GLIS3: variants seen among roughly 807,000 people sequenced by gnomAD.
GLIS3 encodes GLIS family zinc finger 3.
Under a neutral mutation model 78.6 loss-of-function variants are expected in GLIS3, and 53 were observed. The observed-to-expected ratio is 0.67, with a 90% CI of 0.54 to 0.85. The LOEUF is 0.85. Ranked by LOEUF, GLIS3 falls within the 40% of genes least tolerant of loss-of-function variation. GLIS3 has a pLI of 0.00. For missense variants in GLIS3, 1,703 were observed against 1,231.1 expected (o/e 1.38, Z -5.74); for synonymous variants, 684 against 509.9 (o/e 1.34, Z -4.60).
At chr9:4,349,612 T>C (rs1398580490), upstream of GLIS3, among the ~76,000 whole-genome samples, 8 of 152,174 alleles carry the variant, frequency 5.3e-5, no homozygotes, top group African/African-American at 1.9e-4. Flanking sequence ...GGGAAGGAAC[T>C]GAAGTACTTA....
intron 2 of GLIS3, among the ~76,000 whole-genome samples, chr9:4,269,443 A>G (rs1306394206): frequency 6.6e-6 from 1 of 152,254 alleles, no homozygotes; most frequent in Non-Finnish European, 1.5e-5. Context: ...GACTGATCAC[A>G]GTTTTCATAA....
the GLIS3 span, among the ~76,000 whole-genome samples, chr9:4,481,878 G>C: frequency 1.3e-5 from 2 of 152,210 alleles, no homozygotes; most frequent in African/African-American, 4.8e-5. Context: ...CGCAGGGTGT[G>C]ACACTACCCA....
At chr9:4,252,475 T>C (rs1824493757) in intron 2 of GLIS3, among the ~76,000 whole-genome samples, 1 of 152,130 alleles carries the variant, frequency 6.6e-6, no homozygotes, top group South Asian at 2.1e-4. Context: ...ATGTTCTCTC[T>C]AAACTTATTA....
chr9:4,097,132 A>C (rs1340374333), intron 4 of GLIS3, among the ~76,000 whole-genome samples: 2 of 152,326 alleles, frequency 1.3e-5, no homozygotes, highest in African/African-American at 4.8e-5. Context: ...TCCTCCCATT[A>C]GGGCCCTAAA....
At chr9:3,831,576 TA>T (rs1431538371) in intron 9 of GLIS3, among the ~76,000 whole-genome samples, 1 of 152,226 alleles carries the variant, frequency 6.6e-6, no homozygotes, top group Non-Finnish European at 1.5e-5. Context: ...TCTAGAACCC[TA>T]AAAGTGTTCA....
chr9:4,394,628 G>A, the GLIS3 span, among the ~76,000 whole-genome samples: 1 of 152,138 alleles, frequency 6.6e-6, no homozygotes, highest in Non-Finnish European at 1.5e-5. Context: ...CAAAAGGTCA[G>A]CTTCATATCT....
At chr9:4,409,456 T>G in the GLIS3 span, among the ~76,000 whole-genome samples, 1 of 152,196 alleles carries the variant, frequency 6.6e-6, no homozygotes, top group Non-Finnish European at 1.5e-5. Context: ...AAACATCACC[T>G]TACTAGTATA....
At chr9:4,331,558 G>C (rs1817685937) in intron 2 of GLIS3, among the ~76,000 whole-genome samples, 1 of 152,146 alleles carries the variant, frequency 6.6e-6, no homozygotes, top group Admixed American at 6.5e-5. Context: ...TGCAGTTCTT[G>C]ACAACCAGAT....
intron 4 of GLIS3, among the ~76,000 whole-genome samples, chr9:4,067,042 T>G (rs1827159731): frequency 6.6e-6 from 1 of 152,194 alleles, no homozygotes; most frequent in Admixed American, 6.5e-5. Flanking sequence ...CAATTTTGTT[T>G]GGACAGGAAG....
intron 4 of GLIS3, among the ~76,000 whole-genome samples, chr9:3,957,200 G>T (rs1386732304): frequency 6.6e-6 from 1 of 152,320 alleles, no homozygotes; most frequent in East Asian, 1.9e-4. Context: ...TAATCATCAA[G>T]CAGTGGGTGT....
At chr9:4,262,149 C>A (rs140948211) in intron 2 of GLIS3, among the ~76,000 whole-genome samples, 1 of 151,918 alleles carries the variant, frequency 6.6e-6, no homozygotes. Flanking sequence ...GATCTGGGAG[C>A]CATAGTGCAG....
At chr9:4,180,045 C>T (rs1247311190) in intron 2 of GLIS3, among the ~76,000 whole-genome samples, 1 of 152,084 alleles carries the variant, frequency 6.6e-6, no homozygotes, top group Non-Finnish European at 1.5e-5. Context: ...TGCCATTTGA[C>T]GGATACCTGA....
chr9:3,970,848 A>G (rs2130920402), intron 4 of GLIS3, among the ~76,000 whole-genome samples: 1 of 152,280 alleles, frequency 6.6e-6, no homozygotes, highest in South Asian at 2.1e-4. Context: ...AAGTTAAACA[A>G]TGAGTTCAAA....
intron 2 of GLIS3, among the ~76,000 whole-genome samples, chr9:4,275,356 G>A (rs1327925686): frequency 3.3e-5 from 5 of 152,190 alleles, no homozygotes; most frequent in Non-Finnish European, 7.3e-5. Context: ...TTCAGGAATG[G>A]CAGCACCCTG....
chr9:4,154,754 C>G lies in GLIS3; in HGVS notation c.389-28813G>C, dbSNP rs112453167. 3.3e-4 allele frequency among the ~76,000 whole-genome samples: 50 copies of G among 152,200 alleles called. 2 individuals carry two copies. The highest frequency in any genetic ancestry group is 1.1e-3 in the African/African-American group (46 of 41,520). ...GTTATATAAACCTTTGGGGAAGCAA[C>G]TTGGTAACACAGTCAGAGGTATTTA... On this transcript the variant is annotated intron_variant, in intron 2 of 10. Coordinates refer to ENST00000381971, the MANE Select transcript of GLIS3 (RefSeq NM_001042413.2).
chr9:4,188,029 C>T (rs1431250554), intron 2 of GLIS3, among the ~76,000 whole-genome samples: 2 of 152,182 alleles, frequency 1.3e-5, no homozygotes, highest in East Asian at 3.9e-4. Flanking sequence ...ACTTCCAACA[C>T]TATGTTGAAT....
At chr9:4,216,279 T>G (rs530523869) in intron 2 of GLIS3, among the ~76,000 whole-genome samples, 1 of 151,874 alleles carries the variant, frequency 6.6e-6, no homozygotes, top group African/African-American at 2.4e-5. Context: ...GAGACCATCC[T>G]GGCTAACATG....
chr9:4,123,710 G>C, intron 3 of GLIS3: 1 of 396,664 alleles, frequency 2.5e-6, no homozygotes, highest in Non-Finnish European at 4.4e-6. Flanking sequence ...GGAAAGGAAA[G>C]CCTATGTTTA....
chr9:4,205,277 C>G (rs926572774), intron 2 of GLIS3, among the ~76,000 whole-genome samples: 1 of 152,082 alleles, frequency 6.6e-6, no homozygotes, highest in Non-Finnish European at 1.5e-5. Context: ...TGTACAGCAC[C>G]CCAATTCAAC....
Sources: gnomAD v4.1 joint callset for allele counts (sites outside exome capture counted in the v4.1 genomes callset) on GRCh38, gnomAD v4.1.1 for gene constraint, MANE v1.5 for transcripts, NCBI Gene and HGNC (gene_info 2026-07-23, HGNC 2026-07-21) for gene names.